The following PRKN variants were observed in gnomAD, a reference collection of about 807,000 sequenced individuals.
The protein encoded by PRKN is E3 ubiquitin-protein ligase parkin.
In PRKN, 56 loss-of-function variants were observed where a neutral mutation model predicts 59.5. The observed-to-expected ratio is 0.94, with a 90% CI of 0.76 to 1.18. The LOEUF (loss-of-function observed/expected upper bound fraction) is 1.18, where lower values mean the gene tolerates loss of function less well. Among genes scored for constraint, PRKN ranks in the 50% most tolerant of loss-of-function variants. The pLI is 0.00. For missense variants in PRKN, 657 were observed against 596.4 expected (o/e 1.10, Z -1.06); for synonymous variants, 250 against 222.1 (o/e 1.13, Z -1.12).
At chr6:162,265,800 A>C (rs572062614) in intron 2 of PRKN, among the ~76,000 whole-genome samples, 28 of 152,300 alleles carry the variant, frequency 1.8e-4, no homozygotes, top group Admixed American at 6.5e-4. Flanking sequence ...AGGGACCCGC[A>C]GCTGAAGCCA....
At chr6:162,059,205 G>A (rs980598018) in intron 4 of PRKN, among the ~76,000 whole-genome samples, 1 of 152,110 alleles carries the variant, frequency 6.6e-6, no homozygotes, top group African/African-American at 2.4e-5. Flanking sequence ...ACAAATTCGT[G>A]TTCTACAGAG....
At chr6:161,507,933 T>A (rs761636824) in intron 9 of PRKN, among the ~76,000 whole-genome samples, 9 of 152,150 alleles carry the variant, frequency 5.9e-5, no homozygotes, top group Non-Finnish European at 1.2e-4. Flanking sequence ...GCTCAATACA[T>A]AATAGTAGAT....
rs34367069 is a variant in PRKN, at chr6:161,368,382, G to GATATATATATATATATATATATATATAT, written c.1168-8178_1168-8177insATATATATATATATATATATATATATAT. On this transcript the variant is annotated intron_variant, in intron 10 of 11. Transcript: ENST00000366898. Reference sequence around the variant, plus strand: ...GTATATATATAGCAACCTCAGTCTTGATATATATATATATATATATATATA... The same window carrying GATATATATATATATATATATATATATAT: ...GTATATATATAGCAACCTCAGTCTTGATATATATATATATATATATATATATATATATATATATATATATATATATATA... 1.7e-3 allele frequency among the ~76,000 whole-genome samples: 171 copies of GATATATATATATATATATATATATATAT among 99,188 alleles called. 4 individuals are homozygous for GATATATATATATATATATATATATATAT. The highest frequency in any genetic ancestry group is 3.1e-3 in the South Asian group (8 of 2,622). The allele number at this position is 99,188 out of a possible 152,430, so 65.1% of individuals were successfully genotyped here.
intron 7 of PRKN, among the ~76,000 whole-genome samples, chr6:161,749,365 G>A (rs981064294): frequency 1.1e-4 from 17 of 152,036 alleles, no homozygotes; most frequent in South Asian, 2.1e-4. Context: ...GTGTATAATC[G>A]TATACCTTAC....
intron 6 of PRKN, among the ~76,000 whole-genome samples, chr6:161,873,364 T>C (rs1794423059): frequency 6.6e-6 from 1 of 151,954 alleles, no homozygotes; most frequent in Non-Finnish European, 1.5e-5. Flanking sequence ...TACTGTGGCG[T>C]GTTTGGAAAC....
intron 7 of PRKN, among the ~76,000 whole-genome samples, chr6:161,758,151 C>G (rs926893035): frequency 6.6e-6 from 1 of 151,496 alleles, no homozygotes; most frequent in Non-Finnish European, 1.5e-5. Context: ...AATGGTACAA[C>G]CACCACGGAA....
intron 2 of PRKN, among the ~76,000 whole-genome samples, chr6:162,390,315 A>G (rs1475986986): frequency 1.3e-5 from 2 of 149,538 alleles, no homozygotes; most frequent in Non-Finnish European, 3.0e-5. Flanking sequence ...TTTTAAAGAA[A>G]TCTTTCCAAT....
At chr6:161,717,991 A>G (rs1032105063) in intron 7 of PRKN, among the ~76,000 whole-genome samples, 1 of 152,230 alleles carries the variant, frequency 6.6e-6, no homozygotes, top group Non-Finnish European at 1.5e-5. Context: ...AAACAGACGC[A>G]TGGCAGAACG....
chr6:161,804,289 T>G (rs1362379252), intron 6 of PRKN, among the ~76,000 whole-genome samples: 3 of 152,096 alleles, frequency 2.0e-5, no homozygotes, highest in Non-Finnish European at 4.4e-5. Flanking sequence ...CAGCAGAACT[T>G]GATCTATGAG....
At chr6:161,956,515 G>A (rs1298531558) in intron 6 of PRKN, among the ~76,000 whole-genome samples, 3 of 152,064 alleles carry the variant, frequency 2.0e-5, no homozygotes, top group South Asian at 2.1e-4. Flanking sequence ...GCTCTCTCAG[G>A]AAAGCATTCC....
chr6:162,469,340 G>A (rs1401294911), intron 1 of PRKN, among the ~76,000 whole-genome samples: 20 of 138,414 alleles, frequency 1.4e-4, no homozygotes, highest in Admixed American at 3.7e-4. Flanking sequence ...TAAGAAAGTG[G>A]GGGGGTTGCA....
intron 3 of PRKN, among the ~76,000 whole-genome samples, chr6:162,211,117 C>A (rs1376537127): frequency 6.6e-6 from 1 of 152,136 alleles, no homozygotes; most frequent in Non-Finnish European, 1.5e-5. Context: ...ATGATAATAA[C>A]CTTGAGTCAG....
At chr6:162,198,034 C>A (rs1349550249) in intron 4 of PRKN, among the ~76,000 whole-genome samples, 1 of 152,104 alleles carries the variant, frequency 6.6e-6, no homozygotes, top group Non-Finnish European at 1.5e-5. Context: ...GTGAATGATA[C>A]CTGCAATACT....
intron 2 of PRKN, among the ~76,000 whole-genome samples, chr6:162,357,753 C>T (rs1019478050): frequency 6.6e-6 from 1 of 152,132 alleles, no homozygotes. Context: ...ATTATTGAGT[C>T]ACCAATAGAT....
At chr6:162,323,228 A>T (rs577135664) in intron 2 of PRKN, among the ~76,000 whole-genome samples, 5 of 146,114 alleles carry the variant, frequency 3.4e-5, no homozygotes, top group Non-Finnish European at 7.5e-5. Context: ...AAAGTATAAT[A>T]AAAAAAAAAT....
chr6:162,727,660 A>G lies in PRKN; in HGVS notation c.7+2T>C, dbSNP rs950518517. ...GGCTGTACCTGGCAGGTACCCACGT[A>G]CCTATCATGGTCACTGGGTAGGTGG... On this transcript the variant is annotated splice_donor_variant, in intron 1 of 11. Transcript: ENST00000366898. LOFTEE classifies it high-confidence loss of function. 3.8e-6 allele frequency: 6 copies of G among 1,584,916 alleles called. No homozygotes were observed. Among genetic ancestry groups the G allele is most frequent in the Non-Finnish European group, 5.1e-6 (6 of 1,166,662 alleles).
intron 1 of PRKN, among the ~76,000 whole-genome samples, chr6:162,447,228 C>CA (rs1790360982): frequency 2.0e-5 from 3 of 152,186 alleles, no homozygotes; most frequent in South Asian, 2.1e-4. Context: ...CCTTTGCTTG[C>CA]ATGGTAACTA....
At chr6:161,567,059 G>C (rs1385321994) in intron 8 of PRKN, among the ~76,000 whole-genome samples, 1 of 129,722 alleles carries the variant, frequency 7.7e-6, no homozygotes, top group Non-Finnish European at 1.6e-5. Context: ...GTGTGTGTGT[G>C]AGAGAGGGTC....
chr6:162,080,251 A>G lies in PRKN; in HGVS notation c.535-26077T>C, dbSNP rs186977450. ...ATATATGAAATTGTACCCTTGGGCA[A>G]GTAATTTCAATTCTACAATGCTCAG... is the stretch of plus-strand genomic sequence containing the variant. On this transcript the variant is annotated intron_variant, in intron 4 of 11. Coordinates refer to ENST00000366898, the MANE Select transcript of PRKN (RefSeq NM_004562.3). Among the ~76,000 whole-genome samples the G allele has an allele frequency of 1.3e-3, 205 of 152,296 alleles. 2 individuals are homozygous for G. The highest frequency in any genetic ancestry group is 2.3e-3 in the Non-Finnish European group (154 of 68,038).
Sources: allele counts gnomAD v4.1 joint callset (sites outside exome capture counted in the v4.1 genomes callset), GRCh38; gene constraint gnomAD v4.1.1; transcripts MANE v1.5; gene names NCBI Gene and HGNC (gene_info 2026-07-23, HGNC 2026-07-21).